The following CAMK2D variants were observed in gnomAD, a reference collection of about 807,000 sequenced individuals.
CAMK2D encodes the protein calcium/calmodulin dependent protein kinase II delta, also known as calcium/calmodulin-dependent protein kinase type II subunit delta.
Under a neutral mutation model 84.0 loss-of-function variants are expected in CAMK2D, and 37 were observed. That is an observed-to-expected ratio of 0.44 (90% CI 0.34 to 0.58). The LOEUF (loss-of-function observed/expected upper bound fraction) is 0.58. CAMK2D is among the 20% of genes least tolerant of loss of function. The pLI, the probability that CAMK2D is intolerant of heterozygous loss-of-function variation, is 0.02. For synonymous variants in CAMK2D, 202 were observed against 212.5 expected, an observed-to-expected ratio of 0.95 and a Z score of 0.43; for missense variants, 448 against 652.5, an observed-to-expected ratio of 0.69 and a Z score of 3.41.
At chr4:113,709,767 A>ATATATATATATATATATATATC (rs2099485381) in intron 2 of CAMK2D, among the ~76,000 whole-genome samples, 1 of 120,428 alleles carries the variant, frequency 8.3e-6, no homozygotes, top group Non-Finnish European at 1.7e-5. Flanking sequence ...ATATATATAT[A>ATATATATATATATATATATATC]TATATATATA....
intron 2 of CAMK2D, among the ~76,000 whole-genome samples, chr4:113,735,114 G>A (rs1218166503): frequency 6.6e-6 from 1 of 151,484 alleles, no homozygotes; most frequent in African/African-American, 2.4e-5. Flanking sequence ...TAAGAGCCCA[G>A]TTAGAATAAT....
intron 2 of CAMK2D, among the ~76,000 whole-genome samples, chr4:113,737,307 T>G (rs2099583469): frequency 6.6e-6 from 1 of 152,180 alleles, no homozygotes; most frequent in Non-Finnish European, 1.5e-5. Flanking sequence ...TATTATTCAT[T>G]CTTAAAAAGA....
At chr4:113,572,831 G>A (rs1191839043) in intron 4 of CAMK2D, among the ~76,000 whole-genome samples, 2 of 152,072 alleles carry the variant, frequency 1.3e-5, no homozygotes, top group African/African-American at 4.8e-5. Context: ...AGAAAATGTG[G>A]TACATATACA....
intron 4 of CAMK2D, among the ~76,000 whole-genome samples, chr4:113,592,013 A>T (rs2098889631): frequency 6.6e-6 from 1 of 152,160 alleles, no homozygotes; most frequent in South Asian, 2.1e-4. Flanking sequence ...TACTTAGCAA[A>T]GTTCTTTGCA....
At chr4:113,546,131 T>C (rs1274654614) in intron 6 of CAMK2D, among the ~76,000 whole-genome samples, 1 of 152,140 alleles carries the variant, frequency 6.6e-6, no homozygotes, top group Non-Finnish European at 1.5e-5. Flanking sequence ...TTATATAACA[T>C]GGAGTAAAAT....
At chr4:113,504,796 A>C (rs190733185) in intron 14 of CAMK2D, among the ~76,000 whole-genome samples, 180 bp downstream of exon 14, 98 of 150,928 alleles carry the variant, frequency 6.5e-4, no homozygotes, top group Non-Finnish European at 1.3e-3. Flanking sequence ...ACCAAAAAAA[A>C]CCAAAAGAAA....
intron 2 of CAMK2D, among the ~76,000 whole-genome samples, chr4:113,673,587 A>T (rs2099303446): frequency 1.3e-5 from 2 of 152,262 alleles, no homozygotes; most frequent in Non-Finnish European, 2.9e-5. Flanking sequence ...AGAGAGAGTC[A>T]GCAATCATGC....
At chr4:113,617,974 C>T (rs1255762537) in intron 3 of CAMK2D, among the ~76,000 whole-genome samples, 2 of 151,772 alleles carry the variant, frequency 1.3e-5, no homozygotes, top group African/African-American at 4.8e-5. Context: ...ATACACTGGG[C>T]CATGATATAA....
chr4:113,636,868 T>C (rs1246897889), intron 3 of CAMK2D, among the ~76,000 whole-genome samples: 7 of 152,142 alleles, frequency 4.6e-5, no homozygotes, highest in African/African-American at 1.7e-4. Flanking sequence ...ATTCAGTCCA[T>C]AACAATCCCA....
intron 3 of CAMK2D, among the ~76,000 whole-genome samples, chr4:113,624,394 C>CA (rs1293545339): frequency 6.6e-6 from 1 of 151,872 alleles, no homozygotes; most frequent in African/African-American, 2.4e-5. Context: ...TGCTAATTGG[C>CA]AAAAAAATAG....
chr4:113,640,589 C>G (rs902744044), intron 3 of CAMK2D, among the ~76,000 whole-genome samples: 1 of 152,154 alleles, frequency 6.6e-6, no homozygotes, highest in Admixed American at 6.5e-5. Context: ...GAGCATTCAA[C>G]TATAGAGAGA....
chr4:113,636,834 T>A (rs752940170), intron 3 of CAMK2D, among the ~76,000 whole-genome samples: 24 of 152,124 alleles, frequency 1.6e-4, no homozygotes, highest in Non-Finnish European at 3.1e-4. Flanking sequence ...CTTCAACATA[T>A]GAATTGGGGA....
intron 4 of CAMK2D, among the ~76,000 whole-genome samples, chr4:113,601,060 A>C (rs1367026114): frequency 3.3e-5 from 5 of 152,230 alleles, no homozygotes; most frequent in Non-Finnish European, 7.3e-5. Context: ...AAAAATTCTG[A>C]TATCAAATAG....
intron 19 of CAMK2D, 90 bp downstream of exon 19, chr4:113,457,245 A>T: frequency 6.5e-7 from 1 of 1,526,970 alleles, no homozygotes. Flanking sequence ...AGCGTTAAAT[A>T]ACATATACCA....
chr4:113,667,180 C>T (rs1434014706), intron 2 of CAMK2D, among the ~76,000 whole-genome samples: 1 of 152,146 alleles, frequency 6.6e-6, no homozygotes, highest in East Asian at 1.9e-4. Context: ...CTGCTTATTA[C>T]ATTTTTTTAA....
intron 3 of CAMK2D, among the ~76,000 whole-genome samples, chr4:113,656,124 G>A (rs2099199025): frequency 6.6e-6 from 1 of 152,078 alleles, no homozygotes; most frequent in African/African-American, 2.4e-5. Context: ...TAAAATAAAA[G>A]GTGAACAGAA....
rs139667266 is a variant in CAMK2D, at chr4:113,505,120, A to C, written c.985-85T>G. The stretch of plus-strand genomic sequence containing the variant: ...CTAGATGCAGCATGTCTACATAGAG[A>C]TGTAGACATGAAGATAAAGAGCCAC... On this transcript the variant is annotated intron_variant, in intron 13 of 20. Transcript: ENST00000511664. 710 of 650,804 alleles carry C rather than the reference A, an allele frequency of 1.1e-3. 4 individuals are homozygous for C. The African/African-American group carries it at 0.012, about 11-fold the overall frequency. 40.3% of individuals were successfully genotyped at this position (650,804 alleles called of 1,614,324 possible). A position where few individuals can be genotyped will look rare whatever the true frequency, so the allele number is the denominator to read the frequency against.
intron 2 of CAMK2D, among the ~76,000 whole-genome samples, chr4:113,739,811 T>G (rs572014620): frequency 6.6e-6 from 1 of 152,280 alleles, no homozygotes; most frequent in East Asian, 1.9e-4. Flanking sequence ...ACTTTTATTT[T>G]AGATTCAGGG....
intron 13 of CAMK2D, among the ~76,000 whole-genome samples, chr4:113,505,603 T>C (rs2098118895): frequency 9.2e-6 from 1 of 108,782 alleles, no homozygotes; most frequent in South Asian, 2.7e-4. Flanking sequence ...AATTACATCT[T>C]CAATTATTAG....
Sources: gnomAD v4.1 joint callset for allele counts (sites outside exome capture counted in the v4.1 genomes callset) on GRCh38, gnomAD v4.1.1 for gene constraint, MANE v1.5 for transcripts, NCBI Gene and HGNC (gene_info 2026-07-23, HGNC 2026-07-21) for gene names.